The following MACF1 variants were observed in gnomAD, a reference collection of about 807,000 sequenced individuals.
MACF1 encodes microtubule-actin cross-linking factor 1.
MACF1 carries 193 observed loss-of-function variants against 854.8 expected under a neutral mutation model. The observed-to-expected ratio is 0.23, with a 90% CI of 0.20 to 0.25. The LOEUF (loss-of-function observed/expected upper bound fraction) is 0.25. MACF1 is among the 10% of genes least tolerant of loss of function. The probability of loss-of-function intolerance (pLI) is 1.00; values close to 1 mark genes in which losing one functional copy is unlikely to be tolerated. For missense variants in MACF1, 7,722 were observed against 8,929.1 expected (o/e 0.86, Z 5.45); for synonymous variants, 3,185 against 3,226.7 (o/e 0.99, Z 0.44).
At position 39,350,840 on chromosome 1, in the gene MACF1, A is replaced by T. The variant is rs59084124; in HGVS notation, c.11021A>T (p.Asp3674Val). 8.2e-5 allele frequency: 132 copies of T among 1,614,084 alleles called. No homozygotes were observed. In the East Asian group the frequency reaches 1.9e-3, roughly 23 times the overall value. ...ACCTCATTTGCCACTGTTGTCAAGG[A>T]CATTGAGGGGTTCATGGAAGAGAAT... ...RATSFATVVK[D>V]IEGFMEENQT... The change falls in exon 43 of 101, where the codon GAC (aspartate) becomes GTC (valine). Residue 3674 changes from aspartate (D) to valine (V), a missense_variant. Coordinates refer to ENST00000564288, the MANE Select transcript of MACF1 (RefSeq NM_001394062.1).
At chr1:39,474,344 A>G (rs546211264) in intron 97 of MACF1, among the ~76,000 whole-genome samples, 1 of 151,796 alleles carries the variant, frequency 6.6e-6, no homozygotes, top group Non-Finnish European at 1.5e-5. Flanking sequence ...AGCCGAGACT[A>G]TGCCACTGCA....
Position 39,292,823 on chromosome 1 carries a change from A to C in MACF1, c.1972A>C (p.Thr658Pro). Residue 658 changes from threonine to proline, a missense_variant, in exon 17 of 101, where the codon ACA (threonine) becomes CCA (proline). Coordinates refer to ENST00000564288, the MANE Select transcript of MACF1 (RefSeq NM_001394062.1). ...TGCTGAAACTCTTGGAAAGCTGGAG[A>C]CACAGTATTGTAAATTGAAGGTGAG... ...SYAETLGKLE[T>P]QYCKLKETSS... is the part of the protein sequence containing the mutation. The C allele has an allele frequency of 1.2e-6, 2 of 1,613,196 alleles. No individual in the cohort carries two copies. Among genetic ancestry groups the C allele is most frequent in the South Asian group, 2.2e-5 (2 of 90,818 alleles).
Position 39,084,376 on chromosome 1 carries a change from A to G in MACF1, c.158A>G (p.Lys53Arg). The change falls in exon 2 of 94, where the codon AAA becomes AGA. Residue 53 changes from lysine to arginine, a missense_variant. Coordinates refer to the MACF1 transcript ENST00000361689. This position sits in a 1 kb window ranked among gnomAD's most constrained non-coding sequence, Gnocchi z 5.2. ...TGGAACCTGCCACTGCATGAGCAGA[A>G]AAAGCGGAAAAGCCAGGATTCGGTG... is the stretch of plus-strand genomic sequence containing the variant. 6.2e-7 allele frequency: 1 copy of G among 1,613,582 alleles called. No homozygotes were observed. The highest frequency in any genetic ancestry group is 8.5e-7 in the Non-Finnish European group (1 of 1,180,030).
In MACF1 at chr1:39,310,362, C is replaced by T. The variant is rs770634309; in HGVS notation, c.3034C>T (p.Arg1012Cys). 28 of 1,613,980 alleles carry T rather than the reference C, an allele frequency of 1.7e-5. No homozygotes were observed. The highest frequency in any genetic ancestry group is 2.3e-5 in the Non-Finnish European group (27 of 1,180,010). ...GCTGTTCTCAGTGGCTGATCGCTTG[C>T]GCTTGGAAGAGGAGGTGGAAGCTTG... ...SVLFSVADRL[R>C]LEEEVEACKA... is the part of the protein sequence containing the mutation. The change falls in exon 25 of 101, where the codon CGC becomes TGC. Residue 1012 changes from arginine to cysteine, a missense_variant. Transcript: ENST00000564288.
At chr1:39,165,993 A>G (rs1643878014) in intron 2 of MACF1, among the ~76,000 whole-genome samples, 1 of 152,156 alleles carries the variant, frequency 6.6e-6, no homozygotes, top group African/African-American at 2.4e-5. Context: ...GACAGGATAC[A>G]AAGATTATTG....
intron 40 of MACF1, among the ~76,000 whole-genome samples, chr1:39,345,348 T>C (rs1647020317): frequency 6.6e-6 from 1 of 152,054 alleles, no homozygotes; most frequent in African/African-American, 2.4e-5. Context: ...TGGTGGCTCA[T>C]GCCTGTAATC....
At chr1:39,221,980 T>C (rs1015573909) in intron 1 of MACF1, among the ~76,000 whole-genome samples, 1 of 152,228 alleles carries the variant, frequency 6.6e-6, no homozygotes. Context: ...TCCTTTGTGA[T>C]GTCAGCTAGC....
chr1:39,452,617 G>A (rs189782147), intron 86 of MACF1, 67 bp from the exon 87 acceptor site: 1 of 1,596,370 alleles, frequency 6.3e-7, no homozygotes, highest in Non-Finnish European at 8.6e-7. Flanking sequence ...CCTTTCCCTA[G>A]CATGTCCCAG....
At chr1:39,154,075 G>A (rs1481578980) in intron 2 of MACF1, 3 of 152,228 alleles carry the variant, frequency 2.0e-5, no homozygotes, top group Non-Finnish European at 4.4e-5. Context: ...GTATTTATAT[G>A]AGGAGAGTTA....
chr1:39,196,358 A>G (rs896491687), intron 2 of MACF1, among the ~76,000 whole-genome samples: 1 of 152,148 alleles, frequency 6.6e-6, no homozygotes, highest in African/African-American at 2.4e-5. Context: ...GGGCCTTTGC[A>G]AGTTGTCTCA....
intron 58 of MACF1, chr1:39,414,349 G>C: frequency 6.2e-7 from 1 of 1,614,002 alleles, no homozygotes; most frequent in Non-Finnish European, 8.5e-7. Flanking sequence ...TCTAGAGGAG[G>C]CTTCCTCCAC....
intron 1 of MACF1, among the ~76,000 whole-genome samples, chr1:39,228,568 T>C (rs1644743563): frequency 6.6e-6 from 1 of 152,230 alleles, no homozygotes; most frequent in African/African-American, 2.4e-5. Flanking sequence ...GGAATGACAG[T>C]GATCAAATCT....
intron 2 of MACF1, among the ~76,000 whole-genome samples, chr1:39,139,401 T>C (rs1228804301): frequency 2.6e-5 from 4 of 151,500 alleles, no homozygotes; most frequent in African/African-American, 9.7e-5. Flanking sequence ...GGATTACAGG[T>C]GTCCCCTACC....
intron 6 of MACF1, among the ~76,000 whole-genome samples, chr1:39,275,908 A>G (rs1645425587): frequency 2.5e-5 from 2 of 79,526 alleles, no homozygotes; most frequent in African/African-American, 8.8e-5. Context: ...TTGTGCCTTC[A>G]TCTGCTTCTT....
rs1433549635 is a variant in MACF1, at chr1:39,337,184, T to C, written c.10068T>C (p.Asn3356=). The C allele has an allele frequency of 1.2e-6, 2 of 1,611,996 alleles. No homozygotes were observed. Among genetic ancestry groups the C allele is most frequent in the Admixed American group, 1.7e-5 (1 of 59,768 alleles). The part of the protein sequence containing the change: ...VNPEPFRATQ[N]VFTRQLCLEH... Reference sequence around the variant, plus strand: ...CAGCTTTCTTTTTGGCTCCACAGAATGTATTTACCCGGCAACTCTGTTTAG... The same window carrying C: ...CAGCTTTCTTTTTGGCTCCACAGAACGTATTTACCCGGCAACTCTGTTTAG... Residue 3356 remains asparagine (N), a splice_region_variant and synonymous_variant, in exon 38 of 101, where the codon AAT becomes AAC. Transcript: ENST00000564288.
intron 2 of MACF1, among the ~76,000 whole-genome samples, chr1:39,159,873 T>C (rs767198009): frequency 7.2e-5 from 11 of 152,078 alleles, no homozygotes; most frequent in Non-Finnish European, 1.5e-4. Flanking sequence ...ACTGGGTTTT[T>C]TCAGGGATGA....
chr1:39,480,057 C>T (rs1318458799), intron 98 of MACF1, 48 bp downstream of exon 98: 3 of 1,199,548 alleles, frequency 2.5e-6, no homozygotes, highest in Admixed American at 4.3e-5. Flanking sequence ...CCCACCCTCA[C>T]AGATGTTCAT....
At chr1:39,245,878 AT>A (rs1350967589) in intron 2 of MACF1, among the ~76,000 whole-genome samples, 1 of 152,058 alleles carries the variant, frequency 6.6e-6, no homozygotes, top group Non-Finnish European at 1.5e-5. Context: ...AGTATGTAAT[AT>A]TTTCTGACTT....
At chr1:39,224,604 A>G (rs1644691543) in intron 1 of MACF1, among the ~76,000 whole-genome samples, 1 of 152,168 alleles carries the variant, frequency 6.6e-6, no homozygotes, top group Non-Finnish European at 1.5e-5. Context: ...GAGGTGGGGA[A>G]GTGAAGTCTG....
Sources: allele counts gnomAD v4.1 joint callset (sites outside exome capture counted in the v4.1 genomes callset), GRCh38; gene constraint gnomAD v4.1.1; non-coding constraint Gnocchi (gnomAD v3.1); transcripts MANE v1.5; gene names NCBI Gene and HGNC (gene_info 2026-07-23, HGNC 2026-07-21).